FYTTD1: variants seen among roughly 807,000 people sequenced by gnomAD.
FYTTD1 encodes the protein forty-two-three domain containing 1.
FYTTD1 carries 22 observed loss-of-function variants against 40.9 expected under a neutral mutation model. That is an observed-to-expected ratio of 0.54 (90% CI 0.38 to 0.77). FYTTD1 has a LOEUF of 0.77. FYTTD1 is among the 30% of genes least tolerant of loss of function. FYTTD1 has a pLI of 0.00. For synonymous variants in FYTTD1, 140 were observed against 137.9 expected, an observed-to-expected ratio of 1.01 and a Z score of -0.10; for missense variants, 351 against 392.2, an observed-to-expected ratio of 0.90 and a Z score of 0.89.
chr3:197,776,700 T>A (rs116806598), intron 6 of FYTTD1, among the ~76,000 whole-genome samples: 2,234 of 152,238 alleles, frequency 0.015, 46 homozygotes, highest in African/African-American at 0.043. Flanking sequence ...TTGATTTTTT[T>A]AAATTTGTAT....
chr3:197,786,078 C>T lies in FYTTD1; in HGVS notation c.*4169C>T, dbSNP rs1230099359. Reference sequence around the variant, plus strand: ...ATATCTTTTATTTCCCTTCTCACCACAGTTTATTTTCTTTTTTCTTTTTCT... The same window carrying T: ...ATATCTTTTATTTCCCTTCTCACCATAGTTTATTTTCTTTTTTCTTTTTCT... On this transcript the variant is annotated 3_prime_UTR_variant, in exon 9 of 9. Transcript: ENST00000241502. 1.3e-5 allele frequency: 2 copies of T among 150,140 alleles called. No homozygotes were observed. Among genetic ancestry groups the T allele is most frequent in the South Asian group, 2.1e-4 (1 of 4,706 alleles). The allele number at this position is 150,140 out of a possible 1,614,324, so 9.3% of individuals were successfully genotyped here.
chr3:197,750,360 C>CG (rs1324306768), intron 1 of FYTTD1: 2 of 1,120,272 alleles, frequency 1.8e-6, no homozygotes, highest in Admixed American at 5.0e-5. Context: ...CGCAGGGTCG[C>CG]GGGGGGCGTC....
chr3:197,771,515 GC>G (rs1439258814), intron 4 of FYTTD1, among the ~76,000 whole-genome samples: 1 of 152,014 alleles, frequency 6.6e-6, no homozygotes, highest in African/African-American at 2.4e-5. Flanking sequence ...GGTGGCTCAC[GC>G]CTGTAATCCC....
chr3:197,765,246 A>G (rs1195439865), intron 2 of FYTTD1, among the ~76,000 whole-genome samples: 2 of 152,194 alleles, frequency 1.3e-5, no homozygotes, highest in Non-Finnish European at 2.9e-5. Context: ...AAATTTTGGT[A>G]TAATAATGGG....
intron 2 of FYTTD1, among the ~76,000 whole-genome samples, chr3:197,762,951 G>A (rs749123187): frequency 2.6e-5 from 4 of 151,846 alleles, no homozygotes; most frequent in Non-Finnish European, 4.4e-5. Flanking sequence ...GCAAACCCCC[G>A]TGATACATGT....
At position 197,784,027 on chromosome 3, in the gene FYTTD1, T is replaced by C. The variant is rs1288219292; in HGVS notation, c.*2118T>C. 6.6e-6 allele frequency: 1 copy of C among 152,610 alleles called. No homozygotes were observed. The highest frequency in any genetic ancestry group is 6.5e-5 in the Admixed American group (1 of 15,280). The allele number at this position is 152,610 out of a possible 1,614,324, so 9.5% of individuals were successfully genotyped here. ...TGTATATAAACAAAACAATATGCTT[T>C]GTTGAAGGAAAATTTTCTTTATTGG... On this transcript the variant is annotated 3_prime_UTR_variant, in exon 9 of 9. Coordinates refer to ENST00000241502, the MANE Select transcript of FYTTD1 (RefSeq NM_032288.7).
intron 7 of FYTTD1, among the ~76,000 whole-genome samples, chr3:197,777,948 G>A (rs1353511831): frequency 6.6e-6 from 1 of 152,144 alleles, no homozygotes; most frequent in East Asian, 1.9e-4. Flanking sequence ...CTGGCCTCAA[G>A]CGATCCTTGT....
In FYTTD1 at chr3:197,784,402, C is replaced by T. The variant is rs1015251913; in HGVS notation, c.*2493C>T. On this transcript the variant is annotated 3_prime_UTR_variant, in exon 9 of 9. Transcript: ENST00000241502. ...ATTTGTAGTTTTTAGGGTGTGAAAC[C>T]TTATCTACTAGCAAAATTGGTAAAT... 10 of 152,094 alleles carry T rather than the reference C, an allele frequency of 6.6e-5. No individual in the cohort carries two copies. Among genetic ancestry groups the T allele is most frequent in the Non-Finnish European group, 1.2e-4 (8 of 68,010 alleles). The allele number at this position is 152,094 out of a possible 1,614,324, so 9.4% of individuals were successfully genotyped here. A position where few individuals can be genotyped will look rare whatever the true frequency, so the allele number is the denominator to read the frequency against.
At chr3:197,775,749 T>C (rs950900077) in intron 6 of FYTTD1, among the ~76,000 whole-genome samples, 1 of 152,216 alleles carries the variant, frequency 6.6e-6, no homozygotes, top group Non-Finnish European at 1.5e-5. Flanking sequence ...TGGTATTCTT[T>C]AGCACAGGGG....
intron 6 of FYTTD1, 138 bp downstream of exon 6, chr3:197,774,348 T>A: frequency 1.4e-6 from 1 of 703,096 alleles, no homozygotes; most frequent in Non-Finnish European, 2.4e-6. Context: ...GGCATAGTGG[T>A]GCTACACACC....
At position 197,784,929 on chromosome 3, in the gene FYTTD1, G is replaced by T. The variant is rs969612126; in HGVS notation, c.*3020G>T. 1.3e-5 allele frequency: 2 copies of T among 152,204 alleles called. No homozygotes were observed. Among genetic ancestry groups the T allele is most frequent in the South Asian group, 2.1e-4 (1 of 4,838 alleles). 9.4% of individuals were successfully genotyped at this position (152,204 alleles called of 1,614,324 possible). A position where few individuals can be genotyped will look rare whatever the true frequency, so the allele number is the denominator to read the frequency against. ...GTCCTAGTGTTTTCAAGACTTGCAT[G>T]TGGCAGAGTTATTTTTTGAGCTCAG... On this transcript the variant is annotated 3_prime_UTR_variant, in exon 9 of 9. Transcript: ENST00000241502.
intron 2 of FYTTD1, among the ~76,000 whole-genome samples, chr3:197,766,430 G>GGCGTGTGTGTGTGTGTGT (rs1553909117): frequency 1.5e-5 from 2 of 134,996 alleles, no homozygotes; most frequent in Non-Finnish European, 3.1e-5. Flanking sequence ...GTTTGAGACT[G>GGCGTGTGTGTGTGTGTGT]GTGTGTGTGT....
At chr3:197,758,143 T>A (rs1245042328) in intron 2 of FYTTD1, among the ~76,000 whole-genome samples, 1 of 152,212 alleles carries the variant, frequency 6.6e-6, no homozygotes, top group Admixed American at 6.5e-5. Context: ...CCTCAGGTGA[T>A]CCACCTGCCT....
Position 197,774,702 on chromosome 3 carries a change from G to A in FYTTD1, c.656+492G>A, listed in dbSNP as rs558765571. ...CCATCCTGAGCAGCATAGCTCGATC[G>A]CCAGTGCACACCAGCCTGAGCAGCA... On this transcript the variant is annotated intron_variant, in intron 6 of 8. Transcript: ENST00000241502. Among the ~76,000 whole-genome samples, 4 of 144,380 alleles carry A rather than the reference G, an allele frequency of 2.8e-5. No homozygotes were observed. In the East Asian group the frequency reaches 6.1e-4, roughly 22 times the overall value. 94.7% of individuals were successfully genotyped at this position (144,380 alleles called of 152,430 possible). A position where few individuals can be genotyped will look rare whatever the true frequency, so the allele number is the denominator to read the frequency against.
rs760471852 is a variant in FYTTD1 at position 197,759,727 on chromosome 3, G to A, written c.235+3170G>A. On this transcript the variant is annotated intron_variant, in intron 2 of 8. Transcript: ENST00000241502. ...TAGAGTTGTTCCTCAGTGGTAGAAC[G>A]TATAGCGTGTTCTTCAGTGGTAGAA... Among the ~76,000 whole-genome samples the A allele has an allele frequency of 4.3e-4, 64 of 148,344 alleles. 2 individuals are homozygous for A. Among genetic ancestry groups the A allele is most frequent in the Non-Finnish European group, 1.5e-4 (10 of 67,464 alleles).
In FYTTD1 at chr3:197,781,957, TG is replaced by T; in HGVS notation, c.*49del. ...GAGTGATGACTCTGAGAAGTTGAAT[TG>T]CTTGAAGAGTTCATCACGGAAATTC... On this transcript the variant is annotated 3_prime_UTR_variant, in exon 9 of 9. Coordinates refer to ENST00000241502, the MANE Select transcript of FYTTD1 (RefSeq NM_032288.7). 3 of 1,148,634 alleles carry T rather than the reference TG, an allele frequency of 2.6e-6. No individual in the cohort carries two copies. Among genetic ancestry groups the T allele is most frequent in the Non-Finnish European group, 3.7e-6 (3 of 801,682 alleles). The allele number at this position is 1,148,634 out of a possible 1,614,324, so 71.2% of individuals were successfully genotyped here.
intron 4 of FYTTD1, among the ~76,000 whole-genome samples, chr3:197,771,099 G>T (rs996004748): frequency 2.6e-5 from 4 of 152,064 alleles, no homozygotes; most frequent in African/African-American, 7.2e-5. Context: ...ATGTGCCTGT[G>T]GTCCCAGCTA....
chr3:197,752,662 GTAT>G lies in FYTTD1; in HGVS notation c.103+2589_103+2591del, dbSNP rs1374971887. Among the ~76,000 whole-genome samples, 4 of 151,544 alleles carry G rather than the reference GTAT, an allele frequency of 2.6e-5. No individual in the cohort carries two copies. The East Asian group carries it at 7.8e-4, about 29-fold the overall frequency. ...ATACATACACTATATATATGTGTATGTATATATGGCTTTGTTATTTTTATACAT... is the reference window on the plus strand; with the variant it reads ...ATACATACACTATATATATGTGTATGATATGGCTTTGTTATTTTTATACAT... On this transcript the variant is annotated intron_variant, in intron 1 of 8. Transcript: ENST00000241502.
chr3:197,754,164 A>T (rs755792357), intron 1 of FYTTD1, among the ~76,000 whole-genome samples: 1 of 152,092 alleles, frequency 6.6e-6, no homozygotes, highest in Non-Finnish European at 1.5e-5. Flanking sequence ...TAGACTTTTG[A>T]TGAAGAGTAA....
Sources: allele counts gnomAD v4.1 joint callset (sites outside exome capture counted in the v4.1 genomes callset), GRCh38; gene constraint gnomAD v4.1.1; transcripts MANE v1.5; gene names NCBI Gene and HGNC (gene_info 2026-07-23, HGNC 2026-07-21).